NRG1: variants seen among roughly 807,000 people sequenced by gnomAD.
The protein encoded by NRG1 is neuregulin 1, also known as pro-neuregulin-1, membrane-bound isoform.
A neutral mutation model predicts 63.8 loss-of-function variants in NRG1; 18 were observed. The ratio of observed to expected loss-of-function variants is 0.28; its 90% CI spans 0.19 to 0.42. The LOEUF is 0.42. Ranked by LOEUF, NRG1 falls within the 10% of genes least tolerant of loss-of-function variation. The pLI is 1.00. For missense variants in NRG1, 762 were observed against 814.7 expected, an observed-to-expected ratio of 0.94 and a Z score of 0.79; for synonymous variants, 302 against 301.3, an observed-to-expected ratio of 1.00 and a Z score of -0.02.
downstream of NRG1, among the ~76,000 whole-genome samples, chr8:32,769,851 C>T (rs1831667560): frequency 6.6e-6 from 1 of 152,106 alleles, no homozygotes; most frequent in Admixed American, 6.6e-5. Context: ...TATAACTGTT[C>T]GTCTTCTCTG....
At chr8:32,716,876 G>C (rs539631671) in intron 5 of NRG1, among the ~76,000 whole-genome samples, 1 of 151,992 alleles carries the variant, frequency 6.6e-6, no homozygotes, top group African/African-American at 2.4e-5. Context: ...ATAGCAGGAT[G>C]CAGAACCCCA....
intron 1 of NRG1, among the ~76,000 whole-genome samples, chr8:31,985,906 A>G (rs1809976309): frequency 6.6e-6 from 1 of 152,114 alleles, no homozygotes; most frequent in African/African-American, 2.4e-5. Flanking sequence ...TTGGCAAAAC[A>G]TTGCTTCCTA....
chr8:31,914,509 G>T (rs557668035), intron 1 of NRG1, among the ~76,000 whole-genome samples: 26 of 151,878 alleles, frequency 1.7e-4, no homozygotes, highest in African/African-American at 6.0e-4. Context: ...CCTGCCTGGT[G>T]CCAGAGAAGA....
intron 5 of NRG1, among the ~76,000 whole-genome samples, chr8:32,666,769 GAAC>G (rs1174751720): frequency 6.6e-6 from 1 of 152,072 alleles, no homozygotes. Context: ...TGTACCCATT[GAAC>G]AACAACTCCT....
chr8:31,669,020 A>G (rs977172597), intron 1 of NRG1, among the ~76,000 whole-genome samples: 1 of 152,184 alleles, frequency 6.6e-6, no homozygotes, highest in African/African-American at 2.4e-5. Context: ...TATACAACTT[A>G]TACGCATAGC....
upstream of NRG1, among the ~76,000 whole-genome samples, chr8:32,546,802 T>C (rs1238448862): frequency 1.3e-5 from 2 of 152,208 alleles, no homozygotes; most frequent in Non-Finnish European, 2.9e-5. Context: ...CAGTGCAAAT[T>C]AAACTAGAAT....
chr8:32,237,186 C>T (rs1847652899), intron 1 of NRG1, among the ~76,000 whole-genome samples: 1 of 152,142 alleles, frequency 6.6e-6, no homozygotes, highest in Non-Finnish European at 1.5e-5. Flanking sequence ...CTTAATCATT[C>T]CCTTATCTGA....
chr8:32,408,249 CATT>C (rs1439201205), intron 1 of NRG1, among the ~76,000 whole-genome samples: 1 of 152,124 alleles, frequency 6.6e-6, no homozygotes, highest in African/African-American at 2.4e-5. Flanking sequence ...GAGCATGTGT[CATT>C]AAACTGTTTT....
At chr8:32,556,112 G>C (rs1835126676) in intron 1 of NRG1, among the ~76,000 whole-genome samples, 1 of 152,114 alleles carries the variant, frequency 6.6e-6, no homozygotes, top group Admixed American at 6.5e-5. Flanking sequence ...CAGTTTTGTA[G>C]GTCATACCTG....
chr8:32,177,695 T>A (rs538735560), intron 1 of NRG1, among the ~76,000 whole-genome samples: 44 of 152,102 alleles, frequency 2.9e-4, no homozygotes, highest in African/African-American at 1.0e-3. Context: ...TACTTAAATA[T>A]TTTTAAACAA....
At chr8:32,501,844 C>T (rs1178743915) in intron 1 of NRG1, among the ~76,000 whole-genome samples, 1 of 152,156 alleles carries the variant, frequency 6.6e-6, no homozygotes, top group African/African-American at 2.4e-5. Flanking sequence ...CAAGAATAGA[C>T]TACTCGGTAT....
intron 1 of NRG1, among the ~76,000 whole-genome samples, chr8:32,560,155 T>A (rs1836104884): frequency 6.6e-6 from 1 of 152,096 alleles, no homozygotes; most frequent in Admixed American, 6.5e-5. Flanking sequence ...TTTTCTATAA[T>A]ACAGAAAATA....
At chr8:32,018,106 C>A (rs951737774) in intron 1 of NRG1, among the ~76,000 whole-genome samples, 1 of 152,174 alleles carries the variant, frequency 6.6e-6, no homozygotes, top group African/African-American at 2.4e-5. Flanking sequence ...GAAATGATGT[C>A]AAAGACCAGA....
rs565766162 is a variant in NRG1, at chr8:32,074,141, C to G, written c.37+434710C>G. On this transcript the variant is annotated intron_variant, in intron 1 of 10. Transcript: ENST00000519301. ...GAGGTACTATACTAAACCAAGGATG[C>G]TAAATATAACTTATTAATTTCTGTG... 2.0e-5 allele frequency among the ~76,000 whole-genome samples: 3 copies of G among 152,252 alleles called. No homozygotes were observed. In the South Asian group the frequency reaches 6.2e-4, roughly 32 times the overall value.
chr8:31,953,939 A>G (rs1803915056), intron 1 of NRG1, among the ~76,000 whole-genome samples: 1 of 152,212 alleles, frequency 6.6e-6, no homozygotes, highest in Admixed American at 6.5e-5. Flanking sequence ...GCAGGCTACT[A>G]AACCTTTTTG....
chr8:32,499,982 A>G (rs369258278), intron 1 of NRG1, among the ~76,000 whole-genome samples: 2 of 152,186 alleles, frequency 1.3e-5, no homozygotes, highest in Admixed American at 6.5e-5. Context: ...AAGGGGGGAA[A>G]TATCTCAATG....
intron 1 of NRG1, among the ~76,000 whole-genome samples, chr8:32,486,627 A>AATTTTTT (rs71208187): frequency 6.9e-5 from 10 of 145,518 alleles, no homozygotes; most frequent in Admixed American, 6.8e-5. Context: ...GAATTGCTGG[A>AATTTTTT]TTTTTTTTTT....
intron 1 of NRG1, among the ~76,000 whole-genome samples, chr8:32,087,513 A>G (rs1328609843): frequency 1.3e-5 from 1 of 79,676 alleles, no homozygotes; most frequent in Non-Finnish European, 2.3e-5. Context: ...ATGGACTGTC[A>G]CTCTGTCACT....
At chr8:31,667,725 A>G (rs1273698215) in intron 1 of NRG1, among the ~76,000 whole-genome samples, 2 of 152,214 alleles carry the variant, frequency 1.3e-5, no homozygotes, top group African/African-American at 4.8e-5. Flanking sequence ...TGAGAATGTT[A>G]CTTGGTACCC....
Sources: allele counts gnomAD v4.1 joint callset (sites outside exome capture counted in the v4.1 genomes callset), GRCh38; gene constraint gnomAD v4.1.1; transcripts MANE v1.5; gene names NCBI Gene and HGNC (gene_info 2026-07-23, HGNC 2026-07-21).